The following PLEKHM3 variants were observed in gnomAD, a reference collection of about 807,000 sequenced individuals.
The protein encoded by PLEKHM3 is pleckstrin homology domain containing M3.
Under a neutral mutation model 81.8 loss-of-function variants are expected in PLEKHM3, and 45 were observed. The ratio of observed to expected loss-of-function variants is 0.55; its 90% CI spans 0.43 to 0.71. The LOEUF (loss-of-function observed/expected upper bound fraction) is 0.71. PLEKHM3 is among the 30% of genes least tolerant of loss of function. The pLI is 0.00. For missense variants in PLEKHM3, 788 were observed against 924.3 expected (o/e 0.85, Z 1.91); for synonymous variants, 352 against 356.4 (o/e 0.99, Z 0.14).
intron 7 of PLEKHM3, among the ~76,000 whole-genome samples, chr2:207,832,938 C>A (rs7369023): frequency 1.3e-5 from 2 of 150,668 alleles, no homozygotes; most frequent in African/African-American, 4.9e-5. Flanking sequence ...ATGGTGAAAC[C>A]CTGTCTCTAC....
intron 6 of PLEKHM3, among the ~76,000 whole-genome samples, chr2:207,906,013 A>G (rs551519741): frequency 6.6e-6 from 1 of 152,348 alleles, no homozygotes. Context: ...AAATGGATAC[A>G]TTACTTTGAC....
chr2:207,945,754 A>T (rs1690102924), intron 4 of PLEKHM3, among the ~76,000 whole-genome samples: 1 of 152,158 alleles, frequency 6.6e-6, no homozygotes, highest in African/African-American at 2.4e-5. Flanking sequence ...TACAAAAATT[A>T]GCTGGGCGTG....
At chr2:208,016,563 T>G (rs1692921030) in intron 1 of PLEKHM3, among the ~76,000 whole-genome samples, 1 of 149,756 alleles carries the variant, frequency 6.7e-6, no homozygotes, top group Non-Finnish European at 1.5e-5. Flanking sequence ...GTGGGAGAAC[T>G]GCTGGAGCCT....
intron 7 of PLEKHM3, among the ~76,000 whole-genome samples, chr2:207,839,657 G>A (rs1472223421): frequency 6.6e-6 from 1 of 152,184 alleles, no homozygotes; most frequent in Non-Finnish European, 1.5e-5. Flanking sequence ...TTAGTGGCCA[G>A]CACAGTGCCT....
At chr2:208,016,878 C>T (rs1475328296) in intron 1 of PLEKHM3, among the ~76,000 whole-genome samples, 3 of 152,046 alleles carry the variant, frequency 2.0e-5, no homozygotes, top group Non-Finnish European at 2.9e-5. Flanking sequence ...TCAGTTACTC[C>T]GTATCCATGG....
Position 207,931,041 on chromosome 2 carries a change from G to C in PLEKHM3, c.1771C>G (p.Leu591Val). The change falls in exon 5 of 8, where the codon CTG (leucine) becomes GTG (valine). Residue 591 changes from leucine (L) to valine (V), a missense_variant. Physicochemically the swap from Leu to Val is conservative, Grantham distance 32. Transcript: ENST00000427836. ...LIDIQQENAM[L>V]YHHAEPLAAV... ...GCCAGCGGCTCTGCGTGGTGGTACA[G>C]CATGGCGTTCTCCTGCTGGATGTCG... is the stretch of plus-strand genomic sequence containing the variant. The C allele has an allele frequency of 1.9e-6, 3 of 1,614,098 alleles. No homozygotes were observed. Among genetic ancestry groups the C allele is most frequent in the Non-Finnish European group, 2.5e-6 (3 of 1,179,958 alleles).
chr2:207,895,811 G>A (rs968404911), intron 6 of PLEKHM3, among the ~76,000 whole-genome samples: 3 of 152,044 alleles, frequency 2.0e-5, no homozygotes, highest in African/African-American at 7.3e-5. Flanking sequence ...GAATTGTAAG[G>A]TATTAAGACA....
chr2:207,828,605 C>T, intron 7 of PLEKHM3, 109 bp from the exon 8 acceptor site: 1 of 1,023,010 alleles, frequency 9.8e-7, no homozygotes, highest in Non-Finnish European at 1.4e-6. Flanking sequence ...CTGTTCTGGA[C>T]AACCCTGCCA....
chr2:207,884,047 G>A (rs770092749), intron 6 of PLEKHM3, among the ~76,000 whole-genome samples: 2 of 151,908 alleles, frequency 1.3e-5, no homozygotes, highest in Non-Finnish European at 2.9e-5. Context: ...GCCTGTAATC[G>A]CAGCACTTTG....
Position 207,930,910 on chromosome 2 carries a change from G to T in PLEKHM3, c.1886+16C>A. ...AGAAAAACAAACGGGAGCCGTCTGA[G>T]ATTTATGACTCTTACCTGCGGCGGA... On this transcript the variant is annotated intron_variant, in intron 5 of 7. Coordinates refer to ENST00000427836, the MANE Select transcript of PLEKHM3 (RefSeq NM_001080475.3). The T allele has an allele frequency of 6.2e-7, 1 of 1,609,580 alleles. No individual in the cohort carries two copies.
Position 207,843,611 on chromosome 2 carries a change from G to T in PLEKHM3, c.2109-15115C>A, listed in dbSNP as rs2092366217. On this transcript the variant is annotated intron_variant, in intron 7 of 7. Transcript: ENST00000427836. This position sits in a 1 kb window ranked among gnomAD's most constrained non-coding sequence, Gnocchi z 4.4. ...GAAGAGGTTGTTACCTCAGGCCTCTGAGCTCATTCCACGCTGCCTCCCTCT... is the reference window on the plus strand; with the variant it reads ...GAAGAGGTTGTTACCTCAGGCCTCTTAGCTCATTCCACGCTGCCTCCCTCT... Among the ~76,000 whole-genome samples, 1 of 152,084 alleles carries T rather than the reference G, an allele frequency of 6.6e-6. No individual in the cohort carries two copies. The highest frequency in any genetic ancestry group is 1.9e-4 in the East Asian group (1 of 5,178).
chr2:207,950,605 C>T (rs1221832422), intron 3 of PLEKHM3, among the ~76,000 whole-genome samples: 2 of 152,078 alleles, frequency 1.3e-5, no homozygotes, highest in Admixed American at 6.5e-5. Context: ...ACACGCGGGA[C>T]GTTGACGGGT....
chr2:207,987,398 T>C (rs3795911), intron 2 of PLEKHM3, among the ~76,000 whole-genome samples: 97,735 of 152,100 alleles, frequency 0.64, 32,542 homozygotes, highest in Non-Finnish European at 0.73. Flanking sequence ...TACACTGCCC[T>C]ACTGTCAGCT....
chr2:207,980,736 T>G (rs1371242304), intron 2 of PLEKHM3, among the ~76,000 whole-genome samples: 3 of 152,110 alleles, frequency 2.0e-5, no homozygotes, highest in Non-Finnish European at 4.4e-5. Flanking sequence ...ACCTGGCTAA[T>G]TTTTGTATAT....
At chr2:207,994,032 T>A (rs778931224) in intron 2 of PLEKHM3, among the ~76,000 whole-genome samples, 2 of 152,114 alleles carry the variant, frequency 1.3e-5, no homozygotes, top group Non-Finnish European at 2.9e-5. Context: ...AATGATATAA[T>A]TTTGGAGTTG....
intron 6 of PLEKHM3, among the ~76,000 whole-genome samples, chr2:207,894,271 G>A (rs1001059585): frequency 2.0e-5 from 3 of 152,166 alleles, no homozygotes; most frequent in African/African-American, 4.8e-5. Context: ...CAGGTCATTG[G>A]TGTAGACAGA....
At chr2:207,990,992 T>C (rs912543693) in intron 2 of PLEKHM3, among the ~76,000 whole-genome samples, 1 of 152,214 alleles carries the variant, frequency 6.6e-6, no homozygotes, top group African/African-American at 2.4e-5. Flanking sequence ...TTCTTTGCTA[T>C]GGGCAACAGT....
intron 2 of PLEKHM3, among the ~76,000 whole-genome samples, chr2:207,991,375 C>T (rs1027100773): frequency 8.5e-5 from 13 of 152,226 alleles, no homozygotes; most frequent in African/African-American, 3.1e-4. Context: ...CTAGCACATC[C>T]ACATGTAAGG....
intron 6 of PLEKHM3, among the ~76,000 whole-genome samples, chr2:207,907,526 A>G (rs528197364): frequency 4.6e-5 from 7 of 152,188 alleles, no homozygotes; most frequent in African/African-American, 1.4e-4. Context: ...AAAAAAAAGT[A>G]CATGTTCTAA....
Sources: gnomAD v4.1 joint callset for allele counts (sites outside exome capture counted in the v4.1 genomes callset) on GRCh38, gnomAD v4.1.1 for gene constraint, Gnocchi (gnomAD v3.1) non-coding constraint, MANE v1.5 for transcripts, NCBI Gene and HGNC (gene_info 2026-07-23, HGNC 2026-07-21) for gene names.